INSYN2B: variants seen among roughly 807,000 people sequenced by gnomAD.
The protein encoded by INSYN2B is inhibitory synaptic factor family member 2B, also known as protein INSYN2B.
Under a neutral mutation model 41.2 loss-of-function variants are expected in INSYN2B, and 16 were observed. The ratio of observed to expected loss-of-function variants is 0.39; its 90% CI spans 0.26 to 0.59. INSYN2B has a LOEUF of 0.59. Ranked by LOEUF, INSYN2B falls within the 20% of genes least tolerant of loss-of-function variation. INSYN2B has a pLI of 0.57. For synonymous variants in INSYN2B, 245 were observed against 244.4 expected, an observed-to-expected ratio of 1.00 and a Z score of -0.02; for missense variants, 608 against 646.4, an observed-to-expected ratio of 0.94 and a Z score of 0.64.
At chr5:169,880,436 G>T (rs775439010) in intron 3 of INSYN2B, among the ~76,000 whole-genome samples, 76 of 152,212 alleles carry the variant, frequency 5.0e-4, no homozygotes, top group Non-Finnish European at 9.3e-4. Context: ...GCCCTAAGCT[G>T]CCAGTTTTCA....
chr5:169,921,204 T>A (rs1178970937), intron 1 of INSYN2B, among the ~76,000 whole-genome samples: 1 of 152,244 alleles, frequency 6.6e-6, no homozygotes, highest in Non-Finnish European at 1.5e-5. Flanking sequence ...ATTGTGTTTG[T>A]GTTTGTGACT....
At chr5:169,974,040 T>C (rs1303443654) in intron 1 of INSYN2B, among the ~76,000 whole-genome samples, 1 of 152,230 alleles carries the variant, frequency 6.6e-6, no homozygotes, top group African/African-American at 2.4e-5. Context: ...CTTCATTGAC[T>C]TTTGAGGTAT....
At chr5:169,896,594 G>T (rs1275770944) in intron 1 of INSYN2B, among the ~76,000 whole-genome samples, 1 of 152,184 alleles carries the variant, frequency 6.6e-6, no homozygotes, top group Non-Finnish European at 1.5e-5. Flanking sequence ...CGCCTGTCAG[G>T]CTGGAACCAC....
At chr5:169,911,142 T>C (rs1774572700) in intron 1 of INSYN2B, among the ~76,000 whole-genome samples, 1 of 152,202 alleles carries the variant, frequency 6.6e-6, no homozygotes, top group Admixed American at 6.5e-5. Flanking sequence ...TTTATTTTAT[T>C]TTATTATTTT....
chr5:169,945,182 G>T (rs1032164216), intron 1 of INSYN2B, among the ~76,000 whole-genome samples: 3 of 152,232 alleles, frequency 2.0e-5, no homozygotes, highest in African/African-American at 7.2e-5. Flanking sequence ...AAGCAGACAG[G>T]CTGGTTGTGC....
chr5:169,908,514 A>C (rs1774414002), intron 1 of INSYN2B, among the ~76,000 whole-genome samples: 1 of 152,118 alleles, frequency 6.6e-6, no homozygotes, highest in African/African-American at 2.4e-5. Context: ...AAATGAACAC[A>C]AATAGGTTCC....
chr5:169,973,076 C>T (rs1343388398), intron 1 of INSYN2B, among the ~76,000 whole-genome samples: 1 of 152,160 alleles, frequency 6.6e-6, no homozygotes, highest in African/African-American at 2.4e-5. Flanking sequence ...CCTCTTCACT[C>T]CTCAAGAAGG....
In INSYN2B at chr5:169,919,782, AT is replaced by A. The variant is rs373371799; in HGVS notation, c.-918-34967del. ...GGCAACTGGAAGCAGCTAAACCCTT[AT>A]TCTTCCCTGGAGTATTTGCATATTA... is the stretch of plus-strand genomic sequence containing the variant. On this transcript the variant is annotated intron_variant, in intron 1 of 3. Transcript: ENST00000377365. Among the ~76,000 whole-genome samples, 181 of 152,302 alleles carry A rather than the reference AT, an allele frequency of 1.2e-3. 3 individuals carry two copies. The South Asian group carries it at 0.031, about 26-fold the overall frequency.
intron 1 of INSYN2B, among the ~76,000 whole-genome samples, chr5:169,959,254 G>T (rs759809802): frequency 3.3e-5 from 5 of 151,954 alleles, no homozygotes; most frequent in Admixed American, 3.3e-4. Flanking sequence ...ATAGCTGGGC[G>T]TGGTGGTGCA....
At chr5:169,947,333 G>A (rs192380115) in intron 1 of INSYN2B, among the ~76,000 whole-genome samples, 246 of 152,324 alleles carry the variant, frequency 1.6e-3, no homozygotes, top group African/African-American at 5.7e-3. Flanking sequence ...ATTTTCCAAG[G>A]GGAATGAGGA....
intron 1 of INSYN2B, among the ~76,000 whole-genome samples, chr5:169,959,043 A>G (rs980932867): frequency 2.6e-5 from 4 of 152,202 alleles, no homozygotes; most frequent in South Asian, 2.1e-4. Context: ...CAGAAACAAC[A>G]TATGAAAATG....
At chr5:169,934,504 A>G (rs893866541) in intron 1 of INSYN2B, 1 of 393,420 alleles carries the variant, frequency 2.5e-6, no homozygotes, top group Non-Finnish European at 5.2e-6. Context: ...AGGAGATGGA[A>G]TGCTTATCAG....
At chr5:169,967,695 G>A (rs752293717) in intron 1 of INSYN2B, among the ~76,000 whole-genome samples, 9 of 152,110 alleles carry the variant, frequency 5.9e-5, no homozygotes, top group Non-Finnish European at 1.3e-4. Context: ...TGATTAGAGG[G>A]GCCAGAGTGG....
intron 3 of INSYN2B, among the ~76,000 whole-genome samples, chr5:169,870,294 G>T (rs186122102): frequency 6.9e-4 from 105 of 152,246 alleles, no homozygotes; most frequent in African/African-American, 2.4e-3. Context: ...CATCATGCTC[G>T]CTGAAAAGCA....
At chr5:169,945,814 T>G (rs1053865506) in intron 1 of INSYN2B, among the ~76,000 whole-genome samples, 2 of 152,228 alleles carry the variant, frequency 1.3e-5, no homozygotes, top group Non-Finnish European at 2.9e-5. Context: ...TTGTTTGGAT[T>G]CGCCCACGGC....
At chr5:169,963,420 C>T (rs1777171107) in intron 1 of INSYN2B, among the ~76,000 whole-genome samples, 1 of 152,174 alleles carries the variant, frequency 6.6e-6, no homozygotes, top group Admixed American at 6.5e-5. Context: ...ACAAAAGTCC[C>T]TGGGGACCTA....
At chr5:169,876,942 G>A (rs567522789) in intron 3 of INSYN2B, among the ~76,000 whole-genome samples, 1 of 152,312 alleles carries the variant, frequency 6.6e-6, no homozygotes, top group South Asian at 2.1e-4. Flanking sequence ...GACTTTGAGA[G>A]ACTAGCCATT....
chr5:169,882,492 C>T (rs1025378152), intron 2 of INSYN2B, 61 bp downstream of exon 2: 2 of 1,379,914 alleles, frequency 1.4e-6, no homozygotes, highest in African/African-American at 1.5e-5. Context: ...GCTGTCTCTG[C>T]CCCTGTGTTG....
chr5:169,877,898 G>A (rs116303994), intron 3 of INSYN2B, among the ~76,000 whole-genome samples: 26 of 152,218 alleles, frequency 1.7e-4, no homozygotes, highest in Admixed American at 5.2e-4. Context: ...CCGTAAGGTT[G>A]CAACTCTGTC....
Sources: allele counts gnomAD v4.1 joint callset (sites outside exome capture counted in the v4.1 genomes callset), GRCh38; gene constraint gnomAD v4.1.1; transcripts MANE v1.5; gene names NCBI Gene and HGNC (gene_info 2026-07-23, HGNC 2026-07-21).